The following GALNT10 variants were observed in gnomAD, a reference collection of about 807,000 sequenced individuals.
The protein encoded by GALNT10 is GalNAc transferase 10.
In GALNT10, 41 loss-of-function variants were observed where a neutral mutation model predicts 75.0. The observed-to-expected ratio is 0.55, with a 90% CI of 0.43 to 0.71. GALNT10 has a LOEUF of 0.71. Ranked by LOEUF, GALNT10 falls within the 30% of genes least tolerant of loss-of-function variation. The pLI is 0.00. For missense variants in GALNT10, 727 were observed against 818.5 expected (o/e 0.89, Z 1.36); for synonymous variants, 302 against 313.0 (o/e 0.96, Z 0.37).
At chr5:154,246,379 G>A (rs1306458932) in intron 1 of GALNT10, among the ~76,000 whole-genome samples, 3 of 152,254 alleles carry the variant, frequency 2.0e-5, no homozygotes, top group South Asian at 2.1e-4. Flanking sequence ...CTGAGGAATC[G>A]CCACACTGTC....
chr5:154,205,403 T>C (rs1361956329), intron 1 of GALNT10, among the ~76,000 whole-genome samples: 6 of 152,174 alleles, frequency 3.9e-5, no homozygotes, highest in African/African-American at 1.2e-4. Flanking sequence ...GAGGAAAATA[T>C]AAGGGTGGAC....
intron 6 of GALNT10, among the ~76,000 whole-genome samples, chr5:154,384,784 A>C (rs1755785933): frequency 6.6e-6 from 1 of 152,226 alleles, no homozygotes; most frequent in African/African-American, 2.4e-5. Context: ...GGCTTAGATT[A>C]GAGATTCACA....
Position 154,356,265 on chromosome 5 carries a change from T to C in GALNT10, c.569-20012T>C, listed in dbSNP as rs1755288662. 18 of 451,670 alleles carry C rather than the reference T, an allele frequency of 4.0e-5. 1 individual carries two copies. Among genetic ancestry groups the C allele is most frequent in the South Asian group, 2.8e-4 (18 of 63,374 alleles). The allele number at this position is 451,670 out of a possible 1,614,324, so 28.0% of individuals were successfully genotyped here. ...TGGAGACTTCTGCACCCGTTGCTTT[T>C]GTGTCTTCCCATCTGCATGTGAGAG... On this transcript the variant is annotated intron_variant, in intron 4 of 11. Coordinates refer to ENST00000297107, the MANE Select transcript of GALNT10 (RefSeq NM_198321.4).
chr5:154,415,004 T>A (rs1317213942), intron 10 of GALNT10, among the ~76,000 whole-genome samples: 1 of 152,066 alleles, frequency 6.6e-6, no homozygotes, highest in Non-Finnish European at 1.5e-5. Flanking sequence ...ACACCTGTAA[T>A]CCCAGCTACT....
chr5:154,337,672 C>T (rs969712324), intron 4 of GALNT10: 5 of 1,053,958 alleles, frequency 4.7e-6, no homozygotes, highest in African/African-American at 3.1e-5. Context: ...CCTCCAGAAT[C>T]GCTTCCATCA....
chr5:154,325,556 A>G (rs1340989070), intron 3 of GALNT10, among the ~76,000 whole-genome samples: 1 of 152,084 alleles, frequency 6.6e-6, no homozygotes, highest in Non-Finnish European at 1.5e-5. Flanking sequence ...GACTGGTTCA[A>G]TATATGAAAA....
chr5:154,199,889 G>A (rs148633119), intron 1 of GALNT10, among the ~76,000 whole-genome samples: 178 of 152,300 alleles, frequency 1.2e-3, no homozygotes, highest in African/African-American at 4.1e-3. Context: ...AATGAGCAAA[G>A]TCATCACTAC....
At position 154,409,755 on chromosome 5, in the gene GALNT10, G is replaced by A; in HGVS notation, c.1379G>A (p.Trp460Ter). ...CCCGTGGAGCCCCCGGCTGCAGCTT[G>A]GGGGGAGGTGAGTCTGGAGGGCAGG... Reference protein sequence around the residue: ...YPPVEPPAAAWGEIRNVGTGL... With the variant: ...YPPVEPPAAA The change falls in exon 9 of 12, where the codon TGG (tryptophan) becomes TAG (stop). Residue 460 changes from tryptophan (W) to a stop codon, truncating the protein, a stop_gained. Transcript: ENST00000297107. LOFTEE classifies it high-confidence loss of function. The surrounding 1 kb of genome is among the most constrained non-coding windows in gnomAD (Gnocchi z 4.5). The A allele has an allele frequency of 6.2e-7, 1 of 1,610,076 alleles. No individual in the cohort carries two copies. Among genetic ancestry groups the A allele is most frequent in the Non-Finnish European group, 8.5e-7 (1 of 1,176,446 alleles).
chr5:154,406,685 T>A (rs1029280301), intron 8 of GALNT10, among the ~76,000 whole-genome samples: 1 of 151,980 alleles, frequency 6.6e-6, no homozygotes, highest in Non-Finnish European at 1.5e-5. Flanking sequence ...TAATACCAGC[T>A]ACTAGGGAGG....
intron 3 of GALNT10, among the ~76,000 whole-genome samples, chr5:154,312,684 C>A (rs1754539039): frequency 6.6e-6 from 1 of 152,052 alleles, no homozygotes; most frequent in Admixed American, 6.6e-5. Flanking sequence ...AAAAGTGTGG[C>A]AAAAAACATC....
At chr5:154,279,279 TTG>T (rs1330789801) in intron 1 of GALNT10, among the ~76,000 whole-genome samples, 5 of 60,262 alleles carry the variant, frequency 8.3e-5, no homozygotes, top group Non-Finnish European at 2.3e-4. Flanking sequence ...CTAGTTTTTG[TTG>T]TTGTTGTTGT....
chr5:154,281,647 C>A (rs1012031640), intron 1 of GALNT10, among the ~76,000 whole-genome samples: 1 of 152,206 alleles, frequency 6.6e-6, no homozygotes, highest in Non-Finnish European at 1.5e-5. Context: ...CTAACCTAAG[C>A]TAAGCTGTTC....
chr5:154,348,710 C>A (rs1167224420), intron 4 of GALNT10, among the ~76,000 whole-genome samples: 1 of 152,192 alleles, frequency 6.6e-6, no homozygotes, highest in Non-Finnish European at 1.5e-5. Context: ...TCTGCATCTA[C>A]AAAGTATGGA....
chr5:154,234,400 C>T (rs2113664295), intron 1 of GALNT10, among the ~76,000 whole-genome samples: 1 of 152,268 alleles, frequency 6.6e-6, no homozygotes, highest in Admixed American at 6.5e-5. Context: ...AAAGAGCTGT[C>T]TGCAGACACC....
intron 10 of GALNT10, 83 bp downstream of exon 10, chr5:154,413,088 G>C: frequency 2.4e-6 from 2 of 833,174 alleles, no homozygotes; most frequent in Non-Finnish European, 4.0e-6. Flanking sequence ...AGCTGGGAGG[G>C]AGAGGCATGG....
intron 4 of GALNT10, among the ~76,000 whole-genome samples, chr5:154,333,082 C>A (rs958675972): frequency 4.6e-5 from 7 of 152,216 alleles, no homozygotes; most frequent in African/African-American, 1.7e-4. Context: ...GTATGGAGAA[C>A]CTCACAGGCA....
chr5:154,274,102 C>T (rs1398420235), intron 1 of GALNT10, among the ~76,000 whole-genome samples: 4 of 152,226 alleles, frequency 2.6e-5, no homozygotes, highest in Non-Finnish European at 5.9e-5. Context: ...GCAGTAGCTG[C>T]AGACACACTC....
chr5:154,349,102 T>C (rs1300724768), intron 4 of GALNT10, among the ~76,000 whole-genome samples: 3 of 152,088 alleles, frequency 2.0e-5, no homozygotes, highest in Non-Finnish European at 2.9e-5. Flanking sequence ...AGCGAACCCT[T>C]TATTTATATT....
chr5:154,223,736 A>C (rs1753021593), intron 1 of GALNT10, among the ~76,000 whole-genome samples: 1 of 152,134 alleles, frequency 6.6e-6, no homozygotes, highest in Non-Finnish European at 1.5e-5. Context: ...CCTGGCCAAC[A>C]TGGTGAAACC....
Sources: allele counts gnomAD v4.1 joint callset (sites outside exome capture counted in the v4.1 genomes callset), GRCh38; gene constraint gnomAD v4.1.1; non-coding constraint Gnocchi (gnomAD v3.1); transcripts MANE v1.5; gene names NCBI Gene and HGNC (gene_info 2026-07-23, HGNC 2026-07-21).